Variants in ANK1 observed in about 807,000 individuals in gnomAD.
The protein encoded by ANK1 is ankyrin-1.
Under a neutral mutation model 210.4 loss-of-function variants are expected in ANK1, and 51 were observed. The observed-to-expected ratio is 0.24, with a 90% CI of 0.19 to 0.31. The LOEUF is 0.31. ANK1 is among the 10% of genes least tolerant of loss of function. The pLI is 1.00. For missense variants in ANK1, 2,051 were observed against 2,504.4 expected (o/e 0.82, Z 3.86); for synonymous variants, 967 against 1,025.9 (o/e 0.94, Z 1.10).
chr8:41,803,659 A>C (rs1184037988), intron 1 of ANK1, among the ~76,000 whole-genome samples: 2 of 151,734 alleles, frequency 1.3e-5, no homozygotes, highest in Non-Finnish European at 2.9e-5. Context: ...GCTGCTTTTA[A>C]AGTTTTACCA....
chr8:41,743,015 G>T (rs1383513795), intron 2 of ANK1, among the ~76,000 whole-genome samples: 1 of 152,174 alleles, frequency 6.6e-6, no homozygotes, highest in Non-Finnish European at 1.5e-5. Flanking sequence ...TGCTATACTC[G>T]ATGTCACAGA....
chr8:41,813,421 T>A (rs1358312094), intron 1 of ANK1, among the ~76,000 whole-genome samples: 1 of 152,140 alleles, frequency 6.6e-6, no homozygotes, highest in Admixed American at 6.5e-5. Flanking sequence ...TAGAGGTAGA[T>A]AAACATCTCA....
Position 41,831,131 on chromosome 8 carries a change from C to T in ANK1, c.126+65224G>A, listed in dbSNP as rs557417302. On this transcript the variant is annotated intron_variant, in intron 1 of 42. Coordinates refer to the ANK1 transcript ENST00000265709. ...AGACGAGGCTCCGCCTGGACCTTGA[C>T]GACGACCTTCCTTAAAACTATGGAC... is the stretch of plus-strand genomic sequence containing the variant. Among the ~76,000 whole-genome samples the T allele has an allele frequency of 2.6e-5, 4 of 152,264 alleles. No individual in the cohort carries two copies. In the South Asian group the frequency reaches 6.2e-4, roughly 24 times the overall value.
chr8:41,690,762 T>C (rs534860083), intron 31 of ANK1, among the ~76,000 whole-genome samples, 163 bp from the exon 32 acceptor site: 1 of 152,356 alleles, frequency 6.6e-6, no homozygotes, highest in East Asian at 1.9e-4. Context: ...AAGGCTTTAT[T>C]TCCAAAATTG....
At chr8:41,833,988 T>C (rs1222097312) in intron 1 of ANK1, among the ~76,000 whole-genome samples, 1 of 152,014 alleles carries the variant, frequency 6.6e-6, no homozygotes, top group African/African-American at 2.4e-5. Context: ...GATAAAGGCA[T>C]GGAGGTGAGA....
Position 41,695,165 on chromosome 8 carries a change from C to T in ANK1, c.3115+12G>A. On this transcript the variant is annotated intron_variant, in intron 27 of 42. Transcript: ENST00000289734. ...AAGGAGGGGACCCAGCCCTGGGATC[C>T]CCCGCCCCTACCTTCGTCCATCCCG... The T allele has an allele frequency of 6.2e-7, 1 of 1,614,048 alleles. No homozygotes were observed. Among genetic ancestry groups the T allele is most frequent in the South Asian group, 1.1e-5 (1 of 91,068 alleles).
intron 1 of ANK1, among the ~76,000 whole-genome samples, chr8:41,848,146 C>T (rs894930766): frequency 6.6e-6 from 1 of 151,628 alleles, no homozygotes; most frequent in Admixed American, 6.6e-5. Context: ...GATCATGCCA[C>T]TGCACTCCAG....
At chr8:41,862,898 G>C (rs1813569219) in intron 1 of ANK1, among the ~76,000 whole-genome samples, 2 of 152,078 alleles carry the variant, frequency 1.3e-5, no homozygotes, top group South Asian at 4.2e-4. Flanking sequence ...AATAGTCCCA[G>C]GTATTCAGGA....
At chr8:41,841,414 CGTA>C in intron 1 of ANK1, among the ~76,000 whole-genome samples, 1 of 152,242 alleles carries the variant, frequency 6.6e-6, no homozygotes, top group South Asian at 2.1e-4. Flanking sequence ...GCTCAATGGG[CGTA>C]AGTTTCCACT....
intron 2 of ANK1, among the ~76,000 whole-genome samples, chr8:41,734,816 T>C (rs1342409141): frequency 6.6e-6 from 1 of 151,774 alleles, no homozygotes; most frequent in Non-Finnish European, 1.5e-5. Flanking sequence ...GGTGGGAGAA[T>C]CACCTGAGCC....
chr8:41,864,506 C>A (rs917751252), intron 1 of ANK1, among the ~76,000 whole-genome samples: 1 of 152,178 alleles, frequency 6.6e-6, no homozygotes, highest in Non-Finnish European at 1.5e-5. Context: ...TCATCCCTGG[C>A]TCCTCCTTGC....
At chr8:41,740,273 G>T (rs886594637) in intron 2 of ANK1, among the ~76,000 whole-genome samples, 8 of 151,216 alleles carry the variant, frequency 5.3e-5, no homozygotes, top group African/African-American at 7.3e-5. Flanking sequence ...CAATTCACCT[G>T]CCTCAACCTC....
At chr8:41,845,389 AAAAAAAAAAAG>A (rs1045361158) in intron 1 of ANK1, among the ~76,000 whole-genome samples, 3 of 98,686 alleles carry the variant, frequency 3.0e-5, no homozygotes, top group East Asian at 2.2e-4. Context: ...ACTCCATCCC[AAAAAAAAAAAG>A]AAAAAAAAAA....
intron 1 of ANK1, among the ~76,000 whole-genome samples, chr8:41,833,776 AAGGAGGTCGTGTTCTAGGGG>A (rs1807111799): frequency 6.6e-6 from 1 of 152,160 alleles, no homozygotes; most frequent in African/African-American, 2.4e-5. Context: ...CCTGGCACTC[AAGGAGGTCGTGTTCTAGGGG>A]ACAGCCACCA....
chr8:41,664,069 T>C (rs765643303), intron 39 of ANK1: 2 of 504,340 alleles, frequency 4.0e-6, no homozygotes, highest in Non-Finnish European at 3.9e-6. Flanking sequence ...GTGAGGCACC[T>C]GTTTCCTATT....
At chr8:41,766,158 G>T (rs1041711959) in intron 1 of ANK1, among the ~76,000 whole-genome samples, 1 of 152,224 alleles carries the variant, frequency 6.6e-6, no homozygotes, top group African/African-American at 2.4e-5. Context: ...CTCTCAGGAA[G>T]AGATTTCAGG....
chr8:41,845,899 T>C (rs897856452), intron 1 of ANK1, among the ~76,000 whole-genome samples: 3 of 152,226 alleles, frequency 2.0e-5, no homozygotes, highest in African/African-American at 4.8e-5. Flanking sequence ...AATGTTGATA[T>C]ATCAGGGTCA....
In ANK1 at chr8:41,653,272, G is replaced by A. The variant is rs1402079566; in HGVS notation, c.*2518C>T. ...TAATTTTGACATTGGTTCGGCTGGT[G>A]AAGGGAGAATGGTCTATACATCAGA... On this transcript the variant is annotated 3_prime_UTR_variant, in exon 43 of 43. Coordinates refer to ENST00000289734, the MANE Select transcript of ANK1 (RefSeq NM_000037.4). 6.5e-6 allele frequency: 1 copy of A among 152,694 alleles called. No homozygotes were observed. Among genetic ancestry groups the A allele is most frequent in the Non-Finnish European group, 1.5e-5 (1 of 68,086 alleles). The allele number at this position is 152,694 out of a possible 1,614,324, so 9.5% of individuals were successfully genotyped here.
rs111630389 is a variant in ANK1, at chr8:41,717,700, A to G, written c.1209T>C (p.Ser403=). Residue 403 remains serine (S), a splice_region_variant and synonymous_variant, in exon 12 of 43, where the codon TCT becomes TCC. Transcript: ENST00000289734. ...TGASIDAVTE[S]GLTPLHVASF... is the part of the protein sequence containing the mutation. Reference sequence around the variant, plus strand: ...AGGCCACGTGGAGAGGTGTCAGGCCAGACTGAAACAGACAAAGGCAGAGTC... The same window carrying G: ...AGGCCACGTGGAGAGGTGTCAGGCCGGACTGAAACAGACAAAGGCAGAGTC... The G allele has an allele frequency of 6.4e-7, 1 of 1,551,228 alleles. No homozygotes were observed. Among genetic ancestry groups the G allele is most frequent in the Non-Finnish European group, 8.7e-7 (1 of 1,146,622 alleles).
Sources: gnomAD v4.1 joint callset for allele counts (sites outside exome capture counted in the v4.1 genomes callset) on GRCh38, gnomAD v4.1.1 for gene constraint, MANE v1.5 for transcripts, NCBI Gene and HGNC (gene_info 2026-07-23, HGNC 2026-07-21) for gene names.